The following SYNE1 variants were observed in gnomAD, a reference collection of about 807,000 sequenced individuals.
SYNE1 encodes spectrin repeat containing nuclear envelope protein 1.
In SYNE1, 616 loss-of-function variants were observed where a neutral mutation model predicts 1,111.0. The observed-to-expected ratio is 0.55, with a 90% CI of 0.52 to 0.59. The LOEUF (loss-of-function observed/expected upper bound fraction) is 0.59. SYNE1 is among the 20% of genes least tolerant of loss of function. The probability of loss-of-function intolerance (pLI) is 0.00; values close to 1 mark genes in which losing one functional copy is unlikely to be tolerated. For missense variants in SYNE1, 10,006 were observed against 10,417.0 expected (o/e 0.96, Z 1.72); for synonymous variants, 3,855 against 3,825.8 (o/e 1.01, Z -0.28).
chr6:152,414,231 C>T (rs1382952949), intron 41 of SYNE1, among the ~76,000 whole-genome samples: 1 of 151,730 alleles, frequency 6.6e-6, no homozygotes, highest in African/African-American at 2.4e-5. Flanking sequence ...GAGCAAGACC[C>T]TATTTCTACA....
intron 28 of SYNE1, among the ~76,000 whole-genome samples, chr6:152,448,078 T>G (rs1001750457): frequency 2.0e-5 from 3 of 152,392 alleles, no homozygotes; most frequent in Admixed American, 2.0e-4. Flanking sequence ...AATATTGTTA[T>G]GGATGCTCTA....
At chr6:152,583,190 G>A (rs957073996) in intron 3 of SYNE1, among the ~76,000 whole-genome samples, 1 of 152,198 alleles carries the variant, frequency 6.6e-6, no homozygotes, top group African/African-American at 2.4e-5. Context: ...TCCTAAATCA[G>A]TGACCCTCAT....
intron 130 of SYNE1, chr6:152,168,027 T>G (rs750733379): frequency 6.4e-6 from 5 of 780,190 alleles, no homozygotes. Context: ...AAAACAGTTC[T>G]GGATTAAGGC....
chr6:152,617,800 C>T (rs1045738773), intron 3 of SYNE1, among the ~76,000 whole-genome samples: 1 of 152,128 alleles, frequency 6.6e-6, no homozygotes, highest in African/African-American at 2.4e-5. Context: ...AAAGGCTTCA[C>T]AGAGGAGGCA....
chr6:152,462,253 C>A (rs1362215194), intron 20 of SYNE1, among the ~76,000 whole-genome samples: 2 of 151,952 alleles, frequency 1.3e-5, no homozygotes, highest in Non-Finnish European at 2.9e-5. Flanking sequence ...TGTGTTTACA[C>A]CCATTTTAAA....
intron 3 of SYNE1, among the ~76,000 whole-genome samples, chr6:152,592,569 T>C (rs2099570124): frequency 6.6e-6 from 1 of 152,094 alleles, no homozygotes; most frequent in Admixed American, 6.6e-5. Context: ...TACTAGAAGG[T>C]GGAGGGAGGA....
intron 128 of SYNE1, among the ~76,000 whole-genome samples, chr6:152,188,975 AAAAAAAAAAATATATATATAT>A (rs1423391504): frequency 1.6e-5 from 1 of 63,716 alleles, no homozygotes; most frequent in Non-Finnish European, 2.8e-5. Context: ...AAAAAAAAAA[AAAAAAAAAAATATATATATAT>A]ATATATATAT....
At chr6:152,369,372 C>T in intron 60 of SYNE1, 99 bp downstream of exon 60, 1 of 1,562,796 alleles carries the variant, frequency 6.4e-7, no homozygotes, top group Non-Finnish European at 8.8e-7. Context: ...CTCACGGCAG[C>T]ACAGTCTAAC....
chr6:152,300,036 A>G (rs960471028), intron 93 of SYNE1, among the ~76,000 whole-genome samples: 5 of 152,210 alleles, frequency 3.3e-5, no homozygotes, highest in Non-Finnish European at 7.3e-5. Context: ...ATACATGGTA[A>G]AAGGCTTCTT....
At position 152,468,061 on chromosome 6, in the gene SYNE1, A is replaced by T. The variant is rs556372385; in HGVS notation, c.1633-1983T>A. Among the ~76,000 whole-genome samples the T allele has an allele frequency of 4.7e-4, 71 of 152,302 alleles. 1 individual carries two copies. Among genetic ancestry groups the T allele is most frequent in the Admixed American group, 2.6e-4 (4 of 15,290 alleles). On this transcript the variant is annotated intron_variant, in intron 16 of 145. Coordinates refer to ENST00000367255, the MANE Select transcript of SYNE1 (RefSeq NM_182961.4). Reference sequence around the variant, plus strand: ...CCAAGTTCAACAAATAAGCCATTTTAATCAGGGGACTTTTAAAGTTGATGG... The same window carrying T: ...CCAAGTTCAACAAATAAGCCATTTTTATCAGGGGACTTTTAAAGTTGATGG...
intron 90 of SYNE1, 77 bp from the exon 91 acceptor site, chr6:152,308,709 T>C (rs537233910): frequency 6.7e-7 from 1 of 1,487,408 alleles, no homozygotes; most frequent in South Asian, 1.2e-5. Context: ...TTCTGTAGTT[T>C]AACTCCTATT....
At chr6:152,139,929 G>A in intron 140 of SYNE1, 21 bp downstream of exon 140, 1 of 1,612,200 alleles carries the variant, frequency 6.2e-7, no homozygotes, top group Non-Finnish European at 8.5e-7. Context: ...GTCCGCCGTG[G>A]GAAAGGCAAG....
chr6:152,436,590 C>A (rs1359052457), intron 32 of SYNE1, among the ~76,000 whole-genome samples: 2 of 152,136 alleles, frequency 1.3e-5, no homozygotes, highest in Non-Finnish European at 2.9e-5. Flanking sequence ...CAGGTGCCAC[C>A]ATGCCTGGCT....
chr6:152,462,811 T>C lies in SYNE1; in HGVS notation c.2177A>G (p.Glu726Gly), dbSNP rs35297226. ...GGGTTCAGAAAGTTTCTTATGGGCT[T>C]CCGTTGCAAAAGCAGACAGGGTAAC... ...CVVTLSAFAT[E>G]AHKKLSEPLE... Residue 726 changes from glutamate (E) to glycine (G), a missense_variant, in exon 20 of 146, where the codon GAA becomes GGA. Physicochemically the swap from Glu to Gly is moderately conservative, Grantham distance 98. This residue lies in a region of SYNE1 where 1,971 missense variants were observed against 2,084.1 expected (regional missense o/e 0.95). Coordinates refer to ENST00000367255, the MANE Select transcript of SYNE1 (RefSeq NM_182961.4). 715 of 1,614,060 alleles carry C rather than the reference T, an allele frequency of 4.4e-4. 1 individual carries two copies. In the African/African-American group the frequency reaches 8.7e-3, roughly 20 times the overall value.
At chr6:152,225,949 T>C in intron 115 of SYNE1, 73 bp from the exon 116 acceptor site, 2 of 1,491,976 alleles carry the variant, frequency 1.3e-6, no homozygotes, top group Non-Finnish European at 1.8e-6. Context: ...AATTGGGCCA[T>C]TATAGTTTCA....
chr6:152,202,093 TC>T, intron 126 of SYNE1, 144 bp from the exon 127 acceptor site: 1 of 1,109,950 alleles, frequency 9.0e-7, no homozygotes, highest in Non-Finnish European at 1.3e-6. Flanking sequence ...ACGCGTGTAA[TC>T]CCAGCACTTT....
At chr6:152,249,102 A>T in intron 105 of SYNE1, 59 bp downstream of exon 105, 1 of 1,131,790 alleles carries the variant, frequency 8.8e-7, no homozygotes, top group Non-Finnish European at 1.3e-6. Context: ...TCAAAATTTC[A>T]TAGTAAGTCA....
intron 31 of SYNE1, among the ~76,000 whole-genome samples, chr6:152,441,525 T>C (rs1230111302): frequency 1.3e-5 from 2 of 152,006 alleles, no homozygotes; most frequent in East Asian, 3.9e-4. Flanking sequence ...GTCTTAGAAA[T>C]GTAAAGATAT....
rs141866992 is a variant in SYNE1 at position 152,299,089 on chromosome 6, T to C, written c.17682+1552A>G. Reference sequence around the variant, plus strand: ...AGAAATAATAATAGAAATATTTGCATGTTTCATCATTTTTAGGGCACTTTC... The same window carrying C: ...AGAAATAATAATAGAAATATTTGCACGTTTCATCATTTTTAGGGCACTTTC... On this transcript the variant is annotated intron_variant, in intron 93 of 145. Transcript: ENST00000367255. Among the ~76,000 whole-genome samples, 375 of 152,378 alleles carry C rather than the reference T, an allele frequency of 2.5e-3. 2 individuals are homozygous for C. Among genetic ancestry groups the C allele is most frequent in the African/African-American group, 8.5e-3 (352 of 41,592 alleles).
Sources: gnomAD v4.1 joint callset for allele counts (sites outside exome capture counted in the v4.1 genomes callset) on GRCh38, gnomAD v4.1.1 for gene constraint, gnomAD v4.1.1 regional missense constraint, MANE v1.5 for transcripts, NCBI Gene and HGNC (gene_info 2026-07-23, HGNC 2026-07-21) for gene names.